Variants in CPPED1 observed in about 807,000 individuals in gnomAD.
CPPED1 encodes calcineurin like phosphoesterase domain containing 1.
CPPED1 carries 28 observed loss-of-function variants against 28.0 expected under a neutral mutation model. The observed-to-expected ratio is 1.00, with a 90% CI of 0.74 to 1.37. The LOEUF (loss-of-function observed/expected upper bound fraction) is 1.37. Ranked by LOEUF, CPPED1 falls within the 40% of genes most tolerant of loss-of-function variation. The probability of loss-of-function intolerance (pLI) is 0.00; values close to 1 mark genes in which losing one functional copy is unlikely to be tolerated. For missense variants in CPPED1, 504 were observed against 416.5 expected, an observed-to-expected ratio of 1.21 and a Z score of -1.83; for synonymous variants, 198 against 180.2, an observed-to-expected ratio of 1.10 and a Z score of -0.79.
intron 2 of CPPED1, among the ~76,000 whole-genome samples, chr16:12,731,584 T>G (rs2080197859): frequency 6.6e-6 from 1 of 151,800 alleles, no homozygotes; most frequent in Non-Finnish European, 1.5e-5. Flanking sequence ...CTGGGGAATC[T>G]GAGAGCCAAA....
intron 2 of CPPED1, among the ~76,000 whole-genome samples, chr16:12,774,576 C>A (rs2080487075): frequency 6.6e-6 from 1 of 152,140 alleles, no homozygotes; most frequent in South Asian, 2.1e-4. Flanking sequence ...TGAATGCATG[C>A]TGTTCTAGTC....
chr16:12,722,382 A>G (rs2080146111), intron 2 of CPPED1, among the ~76,000 whole-genome samples: 1 of 152,246 alleles, frequency 6.6e-6, no homozygotes, highest in Admixed American at 6.5e-5. Flanking sequence ...GGGCAGCCAG[A>G]CGAATGACAG....
chr16:12,677,885 G>A (rs543331503), intron 3 of CPPED1, among the ~76,000 whole-genome samples: 7 of 152,268 alleles, frequency 4.6e-5, no homozygotes, highest in Non-Finnish European at 4.4e-5. Context: ...AAATATTTTC[G>A]CCTTTGTGGG....
chr16:12,672,120 CTG>C (rs1567271854), intron 3 of CPPED1, among the ~76,000 whole-genome samples: 1 of 152,378 alleles, frequency 6.6e-6, no homozygotes, highest in African/African-American at 2.4e-5. Context: ...TGTAAGGACA[CTG>C]TGATGTCTGC....
intron 2 of CPPED1, among the ~76,000 whole-genome samples, chr16:12,769,953 G>A (rs757535243): frequency 7.2e-5 from 11 of 152,176 alleles, no homozygotes; most frequent in African/African-American, 2.2e-4. Context: ...ACACAGCTGC[G>A]GAAATAAACG....
At chr16:12,769,663 C>A (rs1351916723) in intron 2 of CPPED1, among the ~76,000 whole-genome samples, 1 of 152,188 alleles carries the variant, frequency 6.6e-6, no homozygotes, top group East Asian at 1.9e-4. Flanking sequence ...CGGGCTCATA[C>A]TGGATGTGAA....
chr16:12,801,748 T>A (rs971002412), intron 1 of CPPED1, among the ~76,000 whole-genome samples: 2 of 152,098 alleles, frequency 1.3e-5, no homozygotes, highest in Non-Finnish European at 2.9e-5. Flanking sequence ...TAGTTGGCAT[T>A]CTCAAATTAG....
chr16:12,786,334 G>GAA (rs2141241932), intron 1 of CPPED1, among the ~76,000 whole-genome samples: 2 of 152,324 alleles, frequency 1.3e-5, no homozygotes, highest in South Asian at 4.1e-4. Flanking sequence ...ACTAACCAAG[G>GAA]AACTCGAGTG....
At chr16:12,731,133 C>A (rs1250266105) in intron 2 of CPPED1, among the ~76,000 whole-genome samples, 2 of 148,802 alleles carry the variant, frequency 1.3e-5, no homozygotes, top group Non-Finnish European at 3.0e-5. Flanking sequence ...CATATGGAGA[C>A]CCTGTCTCTT....
chr16:12,772,044 AC>A (rs2141233260), intron 2 of CPPED1, among the ~76,000 whole-genome samples: 1 of 152,034 alleles, frequency 6.6e-6, no homozygotes, highest in Admixed American at 6.6e-5. Flanking sequence ...AATTGCTTGA[AC>A]CCGGGAGGCG....
Position 12,693,131 on chromosome 16 carries a change from C to G in CPPED1, c.715+11493G>C, listed in dbSNP as rs182531272. ...CAGTTTCCACACCTGTGCCGAAGACCTGGAGAAGGCACCTTTAAGGTCCTG... is the reference window on the plus strand; with the variant it reads ...CAGTTTCCACACCTGTGCCGAAGACGTGGAGAAGGCACCTTTAAGGTCCTG... On this transcript the variant is annotated intron_variant, in intron 3 of 3. Coordinates refer to ENST00000381774, the MANE Select transcript of CPPED1 (RefSeq NM_018340.3). Among the ~76,000 whole-genome samples the G allele has an allele frequency of 1.1e-4, 17 of 152,308 alleles. No homozygotes were observed. The South Asian group carries it at 3.3e-3, about 30-fold the overall frequency.
intron 2 of CPPED1, among the ~76,000 whole-genome samples, chr16:12,752,079 C>T (rs1169322384): frequency 1.3e-5 from 2 of 152,206 alleles, no homozygotes; most frequent in African/African-American, 4.8e-5. Context: ...CTGAGCACAA[C>T]TTTGCTTTGA....
intron 2 of CPPED1, among the ~76,000 whole-genome samples, chr16:12,748,659 G>A (rs2080307063): frequency 1.3e-5 from 2 of 152,118 alleles, no homozygotes; most frequent in Admixed American, 1.3e-4. Flanking sequence ...GCTGAGGTGG[G>A]CGGATCATGA....
intron 3 of CPPED1, among the ~76,000 whole-genome samples, chr16:12,694,809 C>T (rs1009886547): frequency 8.3e-5 from 12 of 145,220 alleles, no homozygotes; most frequent in African/African-American, 3.1e-4. Flanking sequence ...TGGAGTTTTG[C>T]TCTCGTTACC....
At chr16:12,699,468 C>T (rs1286715943) in intron 3 of CPPED1, among the ~76,000 whole-genome samples, 2 of 152,030 alleles carry the variant, frequency 1.3e-5, no homozygotes, top group African/African-American at 2.4e-5. Context: ...TGCACAGTGA[C>T]ACCCTCCTCC....
intron 2 of CPPED1, among the ~76,000 whole-genome samples, chr16:12,768,663 C>G (rs12929967): frequency 0.22 from 32,747 of 151,960 alleles, 4,121 homozygotes; most frequent in East Asian, 0.3. Context: ...CTGTGAACTT[C>G]GATGGGAGGA....
At chr16:12,725,967 C>T (rs916110270) in intron 2 of CPPED1, among the ~76,000 whole-genome samples, 1 of 151,998 alleles carries the variant, frequency 6.6e-6, no homozygotes, top group African/African-American at 2.4e-5. Context: ...GAGGCTGAGG[C>T]AGGAGGATGG....
chr16:12,776,482 G>C (rs1271947170), intron 2 of CPPED1, among the ~76,000 whole-genome samples: 1 of 152,202 alleles, frequency 6.6e-6, no homozygotes, highest in Admixed American at 6.5e-5. Context: ...TGTTGTGGAA[G>C]GGACCTGGTG....
intron 2 of CPPED1, among the ~76,000 whole-genome samples, chr16:12,748,925 AT>A (rs1596470227): frequency 6.6e-6 from 1 of 151,914 alleles, no homozygotes; most frequent in East Asian, 1.9e-4. Flanking sequence ...TCTAAAAAAA[AT>A]ACATACCTTA....
Sources: gnomAD v4.1 joint callset for allele counts (sites outside exome capture counted in the v4.1 genomes callset) on GRCh38, gnomAD v4.1.1 for gene constraint, MANE v1.5 for transcripts, NCBI Gene and HGNC (gene_info 2026-07-23, HGNC 2026-07-21) for gene names.